Variants in ANKRD6 observed in about 807,000 individuals in gnomAD.
ANKRD6 encodes the protein ankyrin repeat domain 6, also known as ankyrin repeat domain-containing protein 6.
ANKRD6 carries 56 observed loss-of-function variants against 82.3 expected under a neutral mutation model. The observed-to-expected ratio is 0.68, with a 90% CI of 0.55 to 0.85. ANKRD6 has a LOEUF of 0.85. Among genes scored for constraint, ANKRD6 ranks in the 40% least tolerant of loss-of-function variants. The pLI is 0.00. For synonymous variants in ANKRD6, 347 were observed against 352.1 expected, an observed-to-expected ratio of 0.99 and a Z score of 0.16; for missense variants, 852 against 907.6, an observed-to-expected ratio of 0.94 and a Z score of 0.79.
intron 2 of ANKRD6, among the ~76,000 whole-genome samples, chr6:89,573,133 TAATG>T (rs1790318178): frequency 1.3e-5 from 2 of 152,116 alleles, no homozygotes; most frequent in South Asian, 4.1e-4. Context: ...TAGCTGATAA[TAATG>T]AGCAACTTCC....
At chr6:89,517,608 G>A (rs1331330964) in intron 1 of ANKRD6, among the ~76,000 whole-genome samples, 1 of 152,172 alleles carries the variant, frequency 6.6e-6, no homozygotes, top group Non-Finnish European at 1.5e-5. Context: ...AAAAAATTTG[G>A]ACCTATAGTC....
At chr6:89,487,890 G>A (rs1025969152) in intron 1 of ANKRD6, among the ~76,000 whole-genome samples, 5 of 152,218 alleles carry the variant, frequency 3.3e-5, no homozygotes, top group Admixed American at 3.3e-4. Context: ...TACATAAATT[G>A]TGAAATAGCA....
intron 1 of ANKRD6, among the ~76,000 whole-genome samples, chr6:89,559,574 T>G (rs1436627557): frequency 6.6e-6 from 1 of 152,202 alleles, no homozygotes; most frequent in Non-Finnish European, 1.5e-5. Context: ...GAGATTTGAG[T>G]ACATAGAATT....
intron 1 of ANKRD6, among the ~76,000 whole-genome samples, chr6:89,544,254 G>A (rs984153131): frequency 3.3e-5 from 5 of 152,204 alleles, no homozygotes; most frequent in African/African-American, 1.2e-4. Flanking sequence ...TTGTGCTCAG[G>A]CCGCAAGGAG....
At chr6:89,438,455 T>A (rs1770924858) in intron 1 of ANKRD6, among the ~76,000 whole-genome samples, 1 of 152,164 alleles carries the variant, frequency 6.6e-6, no homozygotes, top group Admixed American at 6.5e-5. Flanking sequence ...GCAGAACCAG[T>A]CACATGGCCT....
intron 1 of ANKRD6, among the ~76,000 whole-genome samples, chr6:89,524,887 A>G (rs556207822): frequency 6.9e-5 from 10 of 145,244 alleles, no homozygotes; most frequent in Non-Finnish European, 1.5e-4. Context: ...GCCAACATCT[A>G]TTTTTTTTTT....
chr6:89,556,390 G>A (rs1786604044), intron 1 of ANKRD6, among the ~76,000 whole-genome samples: 1 of 152,248 alleles, frequency 6.6e-6, no homozygotes, highest in South Asian at 2.1e-4. Context: ...TGACCAGCTT[G>A]TGCTGACTTG....
intron 1 of ANKRD6, among the ~76,000 whole-genome samples, chr6:89,471,896 G>A (rs940947646): frequency 4.1e-5 from 5 of 122,946 alleles, no homozygotes; most frequent in Non-Finnish European, 6.3e-5. Flanking sequence ...ATGAGGTCAC[G>A]CCATTGCACT....
At chr6:89,610,353 C>CG (rs1799909345) in intron 5 of ANKRD6, among the ~76,000 whole-genome samples, 2 of 152,102 alleles carry the variant, frequency 1.3e-5, no homozygotes, top group Non-Finnish European at 2.9e-5. Context: ...ATACAGTATG[C>CG]GGCCTTCTGT....
At chr6:89,456,400 A>G (rs1440496966) in intron 1 of ANKRD6, among the ~76,000 whole-genome samples, 1 of 152,230 alleles carries the variant, frequency 6.6e-6, no homozygotes, top group East Asian at 1.9e-4. Context: ...GGAGACTGGA[A>G]GTCCAAACCC....
At chr6:89,442,529 AAG>A (rs1164163263) in intron 1 of ANKRD6, among the ~76,000 whole-genome samples, 2 of 151,196 alleles carry the variant, frequency 1.3e-5, no homozygotes, top group African/African-American at 4.9e-5. Flanking sequence ...AGTCTGAGGT[AAG>A]AGGATCGCTT....
chr6:89,564,838 GA>G (rs1788128937), intron 1 of ANKRD6, among the ~76,000 whole-genome samples: 3 of 152,218 alleles, frequency 2.0e-5, no homozygotes, highest in South Asian at 4.2e-4. Flanking sequence ...CTAGTGTCTA[GA>G]GTTAACAAAT....
intron 1 of ANKRD6, among the ~76,000 whole-genome samples, chr6:89,502,423 A>T (rs1317733651): frequency 6.6e-6 from 1 of 152,178 alleles, no homozygotes; most frequent in East Asian, 1.9e-4. Context: ...AAGCAGGTGG[A>T]TCGCTTGAGC....
intron 1 of ANKRD6, among the ~76,000 whole-genome samples, chr6:89,490,322 A>G (rs1176790002): frequency 6.6e-6 from 1 of 152,280 alleles, no homozygotes; most frequent in African/African-American, 2.4e-5. Context: ...GGGAGAATCC[A>G]GTAAATATTT....
intron 3 of ANKRD6, among the ~76,000 whole-genome samples, chr6:89,599,598 A>G (rs1351567332): frequency 6.6e-6 from 1 of 152,204 alleles, no homozygotes; most frequent in East Asian, 1.9e-4. Context: ...ATAGGAGGAA[A>G]GAGTCCATTT....
chr6:89,543,428 C>G (rs1245246333), intron 1 of ANKRD6, among the ~76,000 whole-genome samples: 2 of 152,104 alleles, frequency 1.3e-5, no homozygotes, highest in Non-Finnish European at 2.9e-5. Context: ...CCGACATGGC[C>G]ACAGCTCCAC....
At chr6:89,500,986 T>C (rs1210939713) in intron 1 of ANKRD6, among the ~76,000 whole-genome samples, 2 of 151,538 alleles carry the variant, frequency 1.3e-5, no homozygotes, top group Non-Finnish European at 2.9e-5. Flanking sequence ...TTTTTTTTTT[T>C]TTTTTTCTAG....
intron 2 of ANKRD6, among the ~76,000 whole-genome samples, chr6:89,592,061 A>G (rs762595789): frequency 6.6e-6 from 1 of 152,214 alleles, no homozygotes; most frequent in Non-Finnish European, 1.5e-5. Flanking sequence ...TGCCCTTCCA[A>G]GAAGAGACAC....
In ANKRD6 at chr6:89,631,695, TGTTA is replaced by T. The variant is rs1470138310; in HGVS notation, c.*692_*695del. The T allele has an allele frequency of 1.3e-5, 2 of 152,256 alleles. No homozygotes were observed. Among genetic ancestry groups the T allele is most frequent in the African/African-American group, 2.4e-5 (1 of 41,454 alleles). The allele number at this position is 152,256 out of a possible 1,614,324, so 9.4% of individuals were successfully genotyped here. A position where few individuals can be genotyped will look rare whatever the true frequency, so the allele number is the denominator to read the frequency against. ...TCAAATGAGAAAGATTCAAATTGTTTGTTATTTTCTGTATTTTCAGTCAAAAAAT... is the reference window on the plus strand; with the variant it reads ...TCAAATGAGAAAGATTCAAATTGTTTTTTTCTGTATTTTCAGTCAAAAAAT... On this transcript the variant is annotated 3_prime_UTR_variant, in exon 16 of 16. Coordinates refer to ENST00000339746, the MANE Select transcript of ANKRD6 (RefSeq NM_001242809.2).
Sources: gnomAD v4.1 joint callset for allele counts (sites outside exome capture counted in the v4.1 genomes callset) on GRCh38, gnomAD v4.1.1 for gene constraint, MANE v1.5 for transcripts, NCBI Gene and HGNC (gene_info 2026-07-23, HGNC 2026-07-21) for gene names.